Variants in KIAA0825 observed in about 807,000 individuals in gnomAD.
KIAA0825 encodes uncharacterized protein KIAA0825.
KIAA0825 carries 119 observed loss-of-function variants against 147.6 expected under a neutral mutation model. The ratio of observed to expected loss-of-function variants is 0.81; its 90% CI spans 0.69 to 0.94. The LOEUF (loss-of-function observed/expected upper bound fraction) is 0.94. KIAA0825 is among the 40% of genes least tolerant of loss of function. The pLI is 0.00. For synonymous variants in KIAA0825, 470 were observed against 518.1 expected, an observed-to-expected ratio of 0.91 and a Z score of 1.26; for missense variants, 1,381 against 1,472.7, an observed-to-expected ratio of 0.94 and a Z score of 1.02.
intron 20 of KIAA0825, among the ~76,000 whole-genome samples, chr5:94,275,794 G>A (rs745439217): frequency 2.6e-5 from 4 of 151,990 alleles, no homozygotes; most frequent in African/African-American, 7.2e-5. Context: ...TACACAGCTC[G>A]CATTGTGTGT....
chr5:94,339,484 A>G (rs926587185), intron 20 of KIAA0825, among the ~76,000 whole-genome samples: 2 of 152,216 alleles, frequency 1.3e-5, no homozygotes, highest in Non-Finnish European at 2.9e-5. Context: ...TTTAGAACTC[A>G]GTGGTGAACC....
At chr5:94,326,179 A>G (rs987961826) in intron 20 of KIAA0825, among the ~76,000 whole-genome samples, 1 of 152,146 alleles carries the variant, frequency 6.6e-6, no homozygotes, top group Admixed American at 6.6e-5. Flanking sequence ...TTTACCCACT[A>G]TCATGCTTGT....
In KIAA0825 at chr5:94,470,024, A is replaced by G; in HGVS notation, c.1809T>C (p.Cys603=). The change falls in exon 10 of 21, where the codon TGT becomes TGC. Residue 603 remains cysteine (C), a synonymous_variant. Transcript: ENST00000682413. ...FQVTNYCVRV[C]ATSILQDAES... Reference sequence around the variant, plus strand: ...CAGCATCCTGTAAAATGCTTGTAGCACAAACTCTGACGCAGTAGTTCGTAA... The same window carrying G: ...CAGCATCCTGTAAAATGCTTGTAGCGCAAACTCTGACGCAGTAGTTCGTAA... 1 of 1,551,814 alleles carries G rather than the reference A, an allele frequency of 6.4e-7. No individual in the cohort carries two copies. Among genetic ancestry groups the G allele is most frequent in the Non-Finnish European group, 8.7e-7 (1 of 1,146,992 alleles).
chr5:94,433,698 T>C (rs967505083), intron 14 of KIAA0825, among the ~76,000 whole-genome samples: 1 of 152,232 alleles, frequency 6.6e-6, no homozygotes, highest in African/African-American at 2.4e-5. Context: ...ACAGAGCTGT[T>C]ACGAGGTTTC....
chr5:94,393,621 CAGA>C (rs4035840), intron 17 of KIAA0825, among the ~76,000 whole-genome samples: 153 of 152,270 alleles, frequency 1.0e-3, no homozygotes, highest in African/African-American at 3.6e-3. Context: ...TGGATCTTAA[CAGA>C]AGAACCATTT....
rs551543905 is a variant in KIAA0825 at position 94,261,057 on chromosome 5, C to T, written c.3711-106933G>A. Among the ~76,000 whole-genome samples, 7 of 152,134 alleles carry T rather than the reference C, an allele frequency of 4.6e-5. No homozygotes were observed. The South Asian group carries it at 1.5e-3, about 32-fold the overall frequency. ...GTGGCTCACACCTGTAATCCCAGGA[C>T]TTTGGAGGCTGAGGTGGGAGGATTG... On this transcript the variant is annotated intron_variant, in intron 20 of 20. Coordinates refer to ENST00000682413, the MANE Select transcript of KIAA0825 (RefSeq NM_001145678.3).
intron 5 of KIAA0825, among the ~76,000 whole-genome samples, chr5:94,515,850 C>T (rs576885211): frequency 7.7e-4 from 115 of 150,304 alleles, no homozygotes; most frequent in Admixed American, 2.3e-3. Context: ...ATCGGTTATT[C>T]AGAAAGCGTT....
intron 20 of KIAA0825, among the ~76,000 whole-genome samples, chr5:94,297,315 A>G (rs540176501): frequency 4.1e-4 from 63 of 152,342 alleles, no homozygotes; most frequent in Non-Finnish European, 8.1e-4. Flanking sequence ...GCACAGTGAG[A>G]TAAAGATGAA....
chr5:94,283,838 T>A (rs1273904948), intron 20 of KIAA0825, among the ~76,000 whole-genome samples: 1 of 152,098 alleles, frequency 6.6e-6, no homozygotes, highest in Non-Finnish European at 1.5e-5. Context: ...AGCTTACCAA[T>A]TAAACCTAAA....
At chr5:94,205,588 G>A (rs1772123420) in intron 20 of KIAA0825, among the ~76,000 whole-genome samples, 1 of 152,018 alleles carries the variant, frequency 6.6e-6, no homozygotes. Context: ...ACCATGCCCG[G>A]CCCAATCTTA....
chr5:94,394,077 C>T lies in KIAA0825; in HGVS notation c.3296+2024G>A, dbSNP rs545792172. Among the ~76,000 whole-genome samples the T allele has an allele frequency of 9.2e-5, 14 of 152,048 alleles. No homozygotes were observed. The South Asian group carries it at 2.7e-3, about 29-fold the overall frequency. ...ATATCAGTCAGGCTGGTCTCGAACT[C>T]CTGACCTCAGGTGATCCGCCTGCCT... On this transcript the variant is annotated intron_variant, in intron 17 of 20. Coordinates refer to ENST00000682413, the MANE Select transcript of KIAA0825 (RefSeq NM_001145678.3).
At chr5:94,212,288 A>G (rs1280225767) in intron 20 of KIAA0825, among the ~76,000 whole-genome samples, 1 of 152,218 alleles carries the variant, frequency 6.6e-6, no homozygotes, top group East Asian at 1.9e-4. Flanking sequence ...CTCTTGTTTC[A>G]TACAGTTTTG....
intron 20 of KIAA0825, among the ~76,000 whole-genome samples, chr5:94,205,351 G>T (rs575338053): frequency 6.8e-6 from 1 of 146,014 alleles, no homozygotes; most frequent in South Asian, 2.2e-4. Flanking sequence ...ACCCAGGATG[G>T]AGTGTTGTGG....
At chr5:94,427,294 G>A (rs528327039) in intron 14 of KIAA0825, among the ~76,000 whole-genome samples, 1 of 152,284 alleles carries the variant, frequency 6.6e-6, no homozygotes, top group African/African-American at 2.4e-5. Flanking sequence ...GGGACTTTGG[G>A]AGGTCGAGTA....
intron 17 of KIAA0825, 26 bp from the exon 18 acceptor site, chr5:94,391,720 A>G (rs766037879): frequency 4.7e-6 from 7 of 1,477,892 alleles, no homozygotes; most frequent in Non-Finnish European, 6.3e-6. Flanking sequence ...GCATATACAT[A>G]TCAGTAGTGA....
chr5:94,312,765 G>A (rs1289701304), intron 20 of KIAA0825, among the ~76,000 whole-genome samples: 1 of 151,542 alleles, frequency 6.6e-6, no homozygotes, highest in Non-Finnish European at 1.5e-5. Flanking sequence ...TATTTTAAAT[G>A]TGGCAAATTA....
chr5:94,592,427 C>T (rs1433628455), intron 1 of KIAA0825, among the ~76,000 whole-genome samples: 1 of 152,080 alleles, frequency 6.6e-6, no homozygotes, highest in East Asian at 1.9e-4. Context: ...GGCATTTTTT[C>T]CTGGTCTGGG....
intron 20 of KIAA0825, among the ~76,000 whole-genome samples, chr5:94,343,572 C>A (rs1201326897): frequency 6.6e-6 from 1 of 152,028 alleles, no homozygotes; most frequent in African/African-American, 2.4e-5. Context: ...GCCTGTAGTC[C>A]CAGCTACTGG....
At chr5:94,297,015 T>C (rs1778168862) in intron 20 of KIAA0825, among the ~76,000 whole-genome samples, 1 of 152,232 alleles carries the variant, frequency 6.6e-6, no homozygotes, top group South Asian at 2.1e-4. Context: ...GTGGTTTTAG[T>C]TGAATTGTAA....
Sources: allele counts gnomAD v4.1 joint callset (sites outside exome capture counted in the v4.1 genomes callset), GRCh38; gene constraint gnomAD v4.1.1; transcripts MANE v1.5; gene names NCBI Gene and HGNC (gene_info 2026-07-23, HGNC 2026-07-21).